The following FBN2 variants were observed in gnomAD, a reference collection of about 807,000 sequenced individuals.
FBN2 encodes fibrillin 2, also known as fibrillin-2.
A neutral mutation model predicts 355.6 loss-of-function variants in FBN2; 105 were observed. That is an observed-to-expected ratio of 0.30 (90% confidence interval 0.25 to 0.35). The LOEUF (loss-of-function observed/expected upper bound fraction) is 0.35. Ranked by LOEUF, FBN2 falls within the 10% of genes least tolerant of loss-of-function variation. FBN2 has a pLI of 1.00. For missense variants in FBN2, 3,280 were observed against 3,758.7 expected (o/e 0.87, Z 3.33); for synonymous variants, 1,350 against 1,301.2 (o/e 1.04, Z -0.81).
At chr5:128,525,545 C>T (rs1756538743) in intron 4 of FBN2, among the ~76,000 whole-genome samples, 1 of 152,084 alleles carries the variant, frequency 6.6e-6, no homozygotes, top group African/African-American at 2.4e-5. Context: ...CTTTCTTAGC[C>T]TCCCCTGGCC....
intron 11 of FBN2, among the ~76,000 whole-genome samples, chr5:128,389,767 C>A (rs1302128480): frequency 6.6e-6 from 1 of 152,126 alleles, no homozygotes; most frequent in Non-Finnish European, 1.5e-5. Flanking sequence ...GTGGGCCACT[C>A]CTCAACTATT....
intron 16 of FBN2, among the ~76,000 whole-genome samples, chr5:128,368,447 T>C (rs535088909): frequency 1.1e-4 from 14 of 124,074 alleles, no homozygotes; most frequent in African/African-American, 4.8e-4. Flanking sequence ...CATATATACA[T>C]ATATATACAC....
At chr5:128,519,923 A>C (rs1184657322) in intron 4 of FBN2, among the ~76,000 whole-genome samples, 1 of 152,186 alleles carries the variant, frequency 6.6e-6, no homozygotes, top group Non-Finnish European at 1.5e-5. Context: ...GGCAAAACAA[A>C]GAAAAGGGGG....
intron 4 of FBN2, among the ~76,000 whole-genome samples, chr5:128,524,449 A>G (rs912280986): frequency 1.3e-5 from 2 of 152,192 alleles, no homozygotes; most frequent in Admixed American, 6.6e-5. Flanking sequence ...CCAGGGTATT[A>G]TCTTACCTAT....
At chr5:128,476,256 T>C (rs989529244) in intron 5 of FBN2, among the ~76,000 whole-genome samples, 1 of 152,156 alleles carries the variant, frequency 6.6e-6, no homozygotes, top group Admixed American at 6.5e-5. Context: ...TATAATGCTT[T>C]ATATACTTAA....
chr5:128,373,686 AT>A (rs936313696), intron 15 of FBN2, among the ~76,000 whole-genome samples: 1 of 152,130 alleles, frequency 6.6e-6, no homozygotes, highest in East Asian at 1.9e-4. Flanking sequence ...CATTAAATGT[AT>A]TTTTACCACT....
At chr5:128,370,482 A>C (rs988126523) in intron 15 of FBN2, among the ~76,000 whole-genome samples, 1 of 152,154 alleles carries the variant, frequency 6.6e-6, no homozygotes, top group Non-Finnish European at 1.5e-5. Context: ...GAGGCCATGG[A>C]ATTCACCAAC....
intron 48 of FBN2, among the ~76,000 whole-genome samples, chr5:128,297,444 G>T (rs2126829238): frequency 6.6e-6 from 1 of 152,088 alleles, no homozygotes; most frequent in Admixed American, 6.5e-5. Flanking sequence ...GGGTGTTAAA[G>T]TCTCCCATTA....
chr5:128,375,825 C>T (rs558291022), intron 14 of FBN2, among the ~76,000 whole-genome samples: 42 of 152,124 alleles, frequency 2.8e-4, no homozygotes, highest in African/African-American at 9.9e-4. Flanking sequence ...TGCTTGAGCC[C>T]ATGAGTTTGA....
intron 7 of FBN2, chr5:128,442,221 A>C: frequency 2.3e-6 from 1 of 432,254 alleles, no homozygotes. Flanking sequence ...GAGCCATTTA[A>C]GGGAAACTTT....
Position 128,345,382 on chromosome 5 carries a change from A to G in FBN2, c.3192T>C (p.Val1064=). 1 of 1,614,184 alleles carries G rather than the reference A, an allele frequency of 6.2e-7. No homozygotes were observed. The highest frequency in any genetic ancestry group is 8.5e-7 in the Non-Finnish European group (1 of 1,180,020). Residue 1064 remains valine, a synonymous_variant, in exon 24 of 65, where the codon GTT becomes GTC. Transcript: ENST00000262464. ...CTTTGTAAAATGGCCGCCCAGTAAG[A>G]ACATCCCCTCGGTTAGCAAAGCCAG... ...RGAGFANRGD[V]LTGRPFYKDI... is the part of the protein sequence containing the mutation.
At chr5:128,348,959 C>T (rs1440859316) in intron 23 of FBN2, among the ~76,000 whole-genome samples, 1 of 152,114 alleles carries the variant, frequency 6.6e-6, no homozygotes, top group East Asian at 1.9e-4. Context: ...TTGCTCTTGA[C>T]TTTCCCCACT....
At chr5:128,330,393 GA>G (rs1165973594) in intron 33 of FBN2, among the ~76,000 whole-genome samples, 179 bp downstream of exon 33, 1 of 152,168 alleles carries the variant, frequency 6.6e-6, no homozygotes. Flanking sequence ...AATATATTTG[GA>G]AAGTCATTCA....
chr5:128,364,470 T>C, intron 18 of FBN2, 130 bp downstream of exon 18: 8 of 921,422 alleles, frequency 8.7e-6, no homozygotes, highest in South Asian at 1.7e-5. Flanking sequence ...TTCCTGTCAA[T>C]GTGTAATATG....
chr5:128,349,608 T>C, intron 22 of FBN2, 136 bp from the exon 23 acceptor site: 7 of 1,150,362 alleles, frequency 6.1e-6, no homozygotes, highest in Non-Finnish European at 8.8e-6. Context: ...ACAGAAATAT[T>C]CCACAACCGA....
At chr5:128,458,678 C>A (rs1025452981) in intron 6 of FBN2, among the ~76,000 whole-genome samples, 16 of 152,048 alleles carry the variant, frequency 1.1e-4, no homozygotes, top group African/African-American at 3.9e-4. Flanking sequence ...GGAAACTGAA[C>A]AACCTGCTCC....
rs28763948 is a variant in FBN2 at position 128,350,902 on chromosome 5, G to A, written c.2778C>T (p.Ala926=). ...LKSECCATLG[A]AWGSPCERCE... is the part of the protein sequence containing the mutation. Reference sequence around the variant, plus strand: ...ACCGCTCACAGGGGCTCCCCCAGGCGGCTCCGAGGGTGGCACAGCATTCAG... The same window carrying A: ...ACCGCTCACAGGGGCTCCCCCAGGCAGCTCCGAGGGTGGCACAGCATTCAG... The change falls in exon 21 of 65, where the codon GCC becomes GCT. Residue 926 remains alanine, a synonymous_variant. Coordinates refer to ENST00000262464, the MANE Select transcript of FBN2 (RefSeq NM_001999.4). 1.7e-3 allele frequency: 2,797 copies of A among 1,614,126 alleles called. 41 individuals carry two copies. The African/African-American group carries it at 0.032, about 19-fold the overall frequency.
chr5:128,440,653 C>A (rs1304592002), intron 7 of FBN2, among the ~76,000 whole-genome samples: 1 of 152,206 alleles, frequency 6.6e-6, no homozygotes, highest in East Asian at 1.9e-4. Context: ...ATATCAACTA[C>A]CTTCTGTGAA....
intron 34 of FBN2, among the ~76,000 whole-genome samples, chr5:128,322,901 G>A (rs753959325): frequency 6.6e-6 from 1 of 152,176 alleles, no homozygotes; most frequent in South Asian, 2.1e-4. Flanking sequence ...TCCTATCCAT[G>A]AGCATGGAAT....
Sources: gnomAD v4.1 joint callset for allele counts (sites outside exome capture counted in the v4.1 genomes callset) on GRCh38, gnomAD v4.1.1 for gene constraint, MANE v1.5 for transcripts, NCBI Gene and HGNC (gene_info 2026-07-23, HGNC 2026-07-21) for gene names.